CUX2: variants seen among roughly 807,000 people sequenced by gnomAD.
CUX2 encodes cut like homeobox 2.
A neutral mutation model predicts 144.8 loss-of-function variants in CUX2; 40 were observed. The ratio of observed to expected loss-of-function variants is 0.28; its 90% confidence interval spans 0.21 to 0.36. The LOEUF is 0.36. Ranked by LOEUF, CUX2 falls within the 10% of genes least tolerant of loss-of-function variation. CUX2 has a pLI of 1.00. For missense variants in CUX2, 1,615 were observed against 1,994.0 expected, an observed-to-expected ratio of 0.81 and a Z score of 3.62; for synonymous variants, 827 against 875.6, an observed-to-expected ratio of 0.94 and a Z score of 0.98.
Position 111,060,756 on chromosome 12 carries a change from G to T in CUX2, c.63+26516G>T, listed in dbSNP as rs556256739. 2.0e-4 allele frequency among the ~76,000 whole-genome samples: 30 copies of T among 152,296 alleles called. 1 individual carries two copies. Among genetic ancestry groups the T allele is most frequent in the Non-Finnish European group, 2.6e-4 (18 of 68,034 alleles). On this transcript the variant is annotated intron_variant, in intron 1 of 21. Transcript: ENST00000261726. Reference sequence around the variant, plus strand: ...CCTGTAGCTCTGGAAGGTTCTGTTGGAGCTGACAGCCTCTGGGAAGTGAGG... The same window carrying T: ...CCTGTAGCTCTGGAAGGTTCTGTTGTAGCTGACAGCCTCTGGGAAGTGAGG...
At chr12:111,191,979 A>C (rs1162639488) in intron 1 of CUX2, among the ~76,000 whole-genome samples, 2 of 152,182 alleles carry the variant, frequency 1.3e-5, no homozygotes, top group African/African-American at 4.8e-5. Flanking sequence ...CACTTACTGC[A>C]TACCAGTTTA....
intron 10 of CUX2, among the ~76,000 whole-genome samples, chr12:111,305,967 G>A (rs1246998053): frequency 1.3e-5 from 2 of 152,162 alleles, no homozygotes; most frequent in Non-Finnish European, 2.9e-5. Flanking sequence ...GTGTCAGCCT[G>A]TGTCTGTGTC....
At chr12:111,205,487 C>G (rs532555562) in intron 1 of CUX2, among the ~76,000 whole-genome samples, 6 of 152,334 alleles carry the variant, frequency 3.9e-5, no homozygotes, top group African/African-American at 1.2e-4. Flanking sequence ...TTATTGAATG[C>G]CCACTGTGCA....
intron 1 of CUX2, among the ~76,000 whole-genome samples, chr12:111,114,641 T>G (rs964557026): frequency 1.3e-5 from 2 of 152,226 alleles, no homozygotes; most frequent in Admixed American, 1.3e-4. Context: ...TTTCAGTTTC[T>G]CAAGAAAATG....
chr12:111,236,744 T>C (rs1332044928), intron 3 of CUX2, among the ~76,000 whole-genome samples: 3 of 152,242 alleles, frequency 2.0e-5, no homozygotes, highest in Non-Finnish European at 4.4e-5. Flanking sequence ...GGGGGAGACC[T>C]GGGTTCAAAC....
chr12:111,228,921 T>C (rs7966160), intron 3 of CUX2, among the ~76,000 whole-genome samples: 2,205 of 152,250 alleles, frequency 0.014, 51 homozygotes, highest in African/African-American at 0.05. Context: ...TGCAAGCCAC[T>C]GCAGGCTGAC....
At chr12:111,267,210 A>AG (rs1383051724) in intron 4 of CUX2, among the ~76,000 whole-genome samples, 5 of 150,952 alleles carry the variant, frequency 3.3e-5, no homozygotes, top group African/African-American at 2.4e-5. Context: ...AAAAAAAAAA[A>AG]AAAAAAAGAA....
At chr12:111,097,723 G>T (rs947366325) in intron 1 of CUX2, among the ~76,000 whole-genome samples, 1 of 152,234 alleles carries the variant, frequency 6.6e-6, no homozygotes, top group African/African-American at 2.4e-5. Flanking sequence ...TCAGAGTCAG[G>T]AGCCAGGGAG....
At chr12:111,140,496 G>C (rs1876240750) in intron 1 of CUX2, among the ~76,000 whole-genome samples, 2 of 152,216 alleles carry the variant, frequency 1.3e-5, no homozygotes. Context: ...CGGCCATGGT[G>C]AAGGCAGGTC....
chr12:111,150,042 T>C (rs1876937407), intron 1 of CUX2, among the ~76,000 whole-genome samples: 1 of 152,184 alleles, frequency 6.6e-6, no homozygotes, highest in Admixed American at 6.5e-5. Flanking sequence ...ATGATCATTT[T>C]GAGAAAATGT....
chr12:111,311,380 T>C (rs1024630342), intron 15 of CUX2, among the ~76,000 whole-genome samples: 5 of 152,014 alleles, frequency 3.3e-5, no homozygotes, highest in Non-Finnish European at 5.9e-5. Context: ...CTCTGCCTCC[T>C]GGGTTAAAGC....
chr12:111,147,326 C>T (rs181623614), intron 1 of CUX2, among the ~76,000 whole-genome samples: 2 of 152,306 alleles, frequency 1.3e-5, no homozygotes, highest in East Asian at 3.9e-4. Flanking sequence ...GAGGTCCTAG[C>T]ATTAATCTTG....
chr12:111,065,742 A>G (rs1036935353), intron 1 of CUX2, among the ~76,000 whole-genome samples: 2 of 152,232 alleles, frequency 1.3e-5, no homozygotes, highest in African/African-American at 4.8e-5. Context: ...AGAGAACAGT[A>G]GTTCTCAAAG....
chr12:111,231,633 CA>C (rs1369441501), intron 3 of CUX2, among the ~76,000 whole-genome samples: 1 of 152,164 alleles, frequency 6.6e-6, no homozygotes, highest in Non-Finnish European at 1.5e-5. Flanking sequence ...GAACACAGTC[CA>C]TTTGTATCCA....
intron 3 of CUX2, among the ~76,000 whole-genome samples, chr12:111,233,669 C>A (rs1023196410): frequency 6.6e-6 from 1 of 152,128 alleles, no homozygotes; most frequent in African/African-American, 2.4e-5. Flanking sequence ...TATCCGACAT[C>A]TGGGCTGTTG....
In CUX2 at chr12:111,174,463, G is replaced by A. The variant is rs1283869491; in HGVS notation, c.64-39737G>A. On this transcript the variant is annotated intron_variant, in intron 1 of 21. Transcript: ENST00000261726. ...TGACATTAGCAGTTCCTTGAGGGTA[G>A]GGCTGTGTGTGTCATATGTGAGTCA... Among the ~76,000 whole-genome samples, 3 of 152,362 alleles carry A rather than the reference G, an allele frequency of 2.0e-5. No homozygotes were observed. In the East Asian group the frequency reaches 5.8e-4, roughly 29 times the overall value.
intron 3 of CUX2, among the ~76,000 whole-genome samples, chr12:111,244,791 C>G (rs1335257548): frequency 6.6e-6 from 1 of 152,132 alleles, no homozygotes; most frequent in African/African-American, 2.4e-5. Context: ...AAACTCCTCT[C>G]CCCCAGGGTG....
chr12:111,294,221 C>G (rs1008396006), intron 6 of CUX2, among the ~76,000 whole-genome samples: 11 of 152,156 alleles, frequency 7.2e-5, no homozygotes, highest in African/African-American at 2.7e-4. Context: ...AATTCTCCTG[C>G]CTCAGCCTCC....
intron 4 of CUX2, among the ~76,000 whole-genome samples, chr12:111,283,982 G>T (rs992015466): frequency 6.6e-6 from 1 of 152,120 alleles, no homozygotes; most frequent in Non-Finnish European, 1.5e-5. Context: ...GGCTCATCCT[G>T]TCCAATCCTC....
Sources: gnomAD v4.1 joint callset for allele counts (sites outside exome capture counted in the v4.1 genomes callset) on GRCh38, gnomAD v4.1.1 for gene constraint, MANE v1.5 for transcripts, NCBI Gene and HGNC (gene_info 2026-07-23, HGNC 2026-07-21) for gene names.